AFDN: variants seen among roughly 807,000 people sequenced by gnomAD.
AFDN encodes the protein afadin, adherens junction formation factor, also known as afadin.
AFDN carries 68 observed loss-of-function variants against 216.6 expected under a neutral mutation model. The ratio of observed to expected loss-of-function variants is 0.31; its 90% CI spans 0.26 to 0.38. The LOEUF (loss-of-function observed/expected upper bound fraction) is 0.38. Among genes scored for constraint, AFDN ranks in the 10% least tolerant of loss-of-function variants. The probability of loss-of-function intolerance (pLI) is 1.00; values close to 1 mark genes in which losing one functional copy is unlikely to be tolerated. For synonymous variants in AFDN, 868 were observed against 853.7 expected, an observed-to-expected ratio of 1.02 and a Z score of -0.29; for missense variants, 2,136 against 2,342.0, an observed-to-expected ratio of 0.91 and a Z score of 1.82.
intron 2 of AFDN, among the ~76,000 whole-genome samples, chr6:167,867,067 T>C (rs998795031): frequency 1.4e-4 from 21 of 152,248 alleles, no homozygotes; most frequent in Non-Finnish European, 2.8e-4. Flanking sequence ...AGATCTTAAA[T>C]GCGTAAAGAT....
At chr6:167,943,379 C>T (rs1402435547) in intron 24 of AFDN, 23 bp from the exon 25 acceptor site, 3 of 1,607,502 alleles carry the variant, frequency 1.9e-6, no homozygotes, top group South Asian at 2.2e-5. Context: ...CTAATCCATG[C>T]ACACACCTGT....
chr6:167,865,739 TA>T (rs1237527925), intron 2 of AFDN, among the ~76,000 whole-genome samples: 1 of 152,092 alleles, frequency 6.6e-6, no homozygotes, highest in Non-Finnish European at 1.5e-5. Context: ...GATTTATGTA[TA>T]GCACAAACCT....
At chr6:167,850,880 A>ATT (rs1554280573) in intron 1 of AFDN, among the ~76,000 whole-genome samples, 1 of 40,428 alleles carries the variant, frequency 2.5e-5, no homozygotes, top group Non-Finnish European at 6.7e-5. Flanking sequence ...ATAATTTTTT[A>ATT]TTGTGTGTGT....
intron 30 of AFDN, 107 bp downstream of exon 30, chr6:167,952,294 G>T: frequency 1.9e-6 from 3 of 1,572,754 alleles, no homozygotes; most frequent in Non-Finnish European, 2.6e-6. Flanking sequence ...GGATTAAAAG[G>T]GCCCCTAGGC....
chr6:167,935,538 T>G (rs1793890000), intron 23 of AFDN, among the ~76,000 whole-genome samples: 1 of 152,226 alleles, frequency 6.6e-6, no homozygotes, highest in Non-Finnish European at 1.5e-5. Context: ...GTCTTTGGAA[T>G]CTGTAACTGC....
intron 1 of AFDN, among the ~76,000 whole-genome samples, chr6:167,847,593 A>G (rs1029879268): frequency 5.3e-5 from 8 of 152,196 alleles, no homozygotes; most frequent in African/African-American, 1.9e-4. Context: ...CTCTCAGACC[A>G]TGATCATATC....
chr6:167,886,553 T>G (rs563631424), intron 6 of AFDN, among the ~76,000 whole-genome samples: 1 of 152,258 alleles, frequency 6.6e-6, no homozygotes, highest in Admixed American at 6.5e-5. Context: ...CTGGGCCTTA[T>G]AAGATAATCC....
chr6:167,877,784 A>G (rs564975139), intron 5 of AFDN, among the ~76,000 whole-genome samples: 16 of 152,318 alleles, frequency 1.1e-4, no homozygotes, highest in South Asian at 4.1e-4. Flanking sequence ...CACTTCTCTG[A>G]GAGTGACAGC....
chr6:167,878,132 T>C (rs916063136), intron 5 of AFDN, among the ~76,000 whole-genome samples: 4 of 152,134 alleles, frequency 2.6e-5, no homozygotes, highest in Non-Finnish European at 5.9e-5. Flanking sequence ...TGATTCTTCC[T>C]CTTGGGTTTT....
intron 25 of AFDN, 63 bp from the exon 26 acceptor site, chr6:167,943,878 G>A (rs1794975859): frequency 3.7e-6 from 5 of 1,333,444 alleles, no homozygotes; most frequent in South Asian, 2.4e-5. Flanking sequence ...TAATCACAGC[G>A]ATTCATGACA....
chr6:167,964,356 C>T, intron 31 of AFDN: 2 of 1,064,304 alleles, frequency 1.9e-6, no homozygotes, highest in Non-Finnish European at 2.3e-6. Flanking sequence ...TGTTACCAAG[C>T]AACTGTTCTT....
Position 167,962,731 on chromosome 6 carries a change from C to A in AFDN, c.4968+164C>A. 6.6e-7 allele frequency: 1 copy of A among 1,504,342 alleles called. No individual in the cohort carries two copies. Among genetic ancestry groups the A allele is most frequent in the Non-Finnish European group, 8.8e-7 (1 of 1,130,442 alleles). 93.2% of individuals were successfully genotyped at this position (1,504,342 alleles called of 1,614,324 possible). On this transcript the variant is annotated intron_variant, in intron 31 of 33. Transcript: ENST00000683244. This position sits in a 1 kb window ranked among gnomAD's most constrained non-coding sequence, Gnocchi z 5.2. ...GATTGGACCTGCAACTTTACCCCAT[C>A]TGGCCCACCTACCTCTCTTCTGGAC...
Position 167,969,915 on chromosome 6 carries a change from A to G in AFDN, c.5476A>G (p.Asn1826Asp), listed in dbSNP as rs1797910985. The G allele has an allele frequency of 6.2e-7, 1 of 1,609,508 alleles. No homozygotes were observed. The highest frequency in any genetic ancestry group is 8.5e-7 in the Non-Finnish European group (1 of 1,178,806). Reference sequence around the variant, plus strand: ...TTCTCGTAAATTAACAGAACTGGAGAATGAACTGAACACAAAGTGAAAGAA... The same window carrying G: ...TTCTCGTAAATTAACAGAACTGGAGGATGAACTGAACACAAAGTGAAAGAA... ...KASRKLTELE[N>D]ELNTK Residue 1826 changes from asparagine (N) to aspartate (D), a missense_variant, in exon 34 of 34, where the codon AAT (asparagine) becomes GAT (aspartate). Transcript: ENST00000683244.
intron 8 of AFDN, among the ~76,000 whole-genome samples, chr6:167,891,712 T>C (rs559551627): frequency 1.9e-4 from 29 of 152,310 alleles, no homozygotes; most frequent in Admixed American, 1.6e-3. Flanking sequence ...AGAGTGTATA[T>C]TTGCACATAT....
At chr6:167,865,138 A>G (rs1784032643) in intron 2 of AFDN, among the ~76,000 whole-genome samples, 1 of 152,128 alleles carries the variant, frequency 6.6e-6, no homozygotes, top group African/African-American at 2.4e-5. Context: ...TTATATAGGT[A>G]TGAGTCATCA....
In AFDN at chr6:167,827,212, T is replaced by C. The variant is rs1428335969; in HGVS notation, c.80T>C (p.Leu27Pro). ...CACTGGAACGCCAACCGGCTGGACC[T>C]GTTCGAGATCAGCCAGCCGACCGAG... ...IHHWNANRLD[L>P]FEISQPTEDL... is the part of the protein sequence containing the mutation. The change falls in exon 1 of 34, where the codon CTG (leucine) becomes CCG (proline). Residue 27 changes from leucine (L) to proline (P), a missense_variant. Physicochemically the swap from Leu to Pro is moderately conservative, Grantham distance 98. Coordinates refer to ENST00000683244, the MANE Select transcript of AFDN (RefSeq NM_001386888.1). 6 of 1,254,694 alleles carry C rather than the reference T, an allele frequency of 4.8e-6. No individual in the cohort carries two copies. Among genetic ancestry groups the C allele is most frequent in the Non-Finnish European group, 6.2e-6 (6 of 967,770 alleles). The allele number at this position is 1,254,694 out of a possible 1,614,324, so 77.7% of individuals were successfully genotyped here.
chr6:167,881,741 A>G (rs1181504154), intron 6 of AFDN, among the ~76,000 whole-genome samples: 1 of 152,188 alleles, frequency 6.6e-6, no homozygotes, highest in Non-Finnish European at 1.5e-5. Flanking sequence ...TTTGGAGGTA[A>G]CAGGAGTAGC....
In AFDN at chr6:167,963,863, T is replaced by C. The variant is rs955586391; in HGVS notation, c.4968+1296T>C. 3.8e-6 allele frequency: 4 copies of C among 1,064,220 alleles called. No homozygotes were observed. In the South Asian group the frequency reaches 1.8e-4, roughly 48 times the overall value. 65.9% of individuals were successfully genotyped at this position (1,064,220 alleles called of 1,614,324 possible). Reference sequence around the variant, plus strand: ...ATGTCTAAGTGTTGGTGGTTTTTGCTGTTGCTTTGCTGTTCCATGAAAGCG... The same window carrying C: ...ATGTCTAAGTGTTGGTGGTTTTTGCCGTTGCTTTGCTGTTCCATGAAAGCG... On this transcript the variant is annotated intron_variant, in intron 31 of 33. Transcript: ENST00000683244.
chr6:167,843,988 GAT>G (rs200767855), intron 1 of AFDN, among the ~76,000 whole-genome samples: 1,568 of 152,266 alleles, frequency 0.01, 34 homozygotes, highest in African/African-American at 0.036. Flanking sequence ...TATAGCAAGA[GAT>G]ATGGAGAGCT....
Sources: allele counts gnomAD v4.1 joint callset (sites outside exome capture counted in the v4.1 genomes callset), GRCh38; gene constraint gnomAD v4.1.1; non-coding constraint Gnocchi (gnomAD v3.1); transcripts MANE v1.5; gene names NCBI Gene and HGNC (gene_info 2026-07-23, HGNC 2026-07-21).